The following SLC39A11 variants were observed in gnomAD, a reference collection of about 807,000 sequenced individuals.
SLC39A11 encodes solute carrier family 39 member 11, also known as zinc transporter ZIP11.
In SLC39A11, 33 loss-of-function variants were observed where a neutral mutation model predicts 36.1. The observed-to-expected ratio is 0.91, with a 90% CI of 0.69 to 1.22. SLC39A11 has a LOEUF of 1.22. SLC39A11 is among the 50% of genes most tolerant of loss of function. The probability of loss-of-function intolerance (pLI) is 0.00; values close to 1 mark genes in which losing one functional copy is unlikely to be tolerated. For synonymous variants in SLC39A11, 166 were observed against 170.3 expected, an observed-to-expected ratio of 0.97 and a Z score of 0.20; for missense variants, 432 against 430.3, an observed-to-expected ratio of 1.00 and a Z score of -0.03.
intron 5 of SLC39A11, among the ~76,000 whole-genome samples, chr17:72,863,681 T>C (rs759737127): frequency 2.6e-5 from 4 of 152,210 alleles, no homozygotes; most frequent in Non-Finnish European, 5.9e-5. Flanking sequence ...AGGTCCTGGC[T>C]CAGTAAGCCT....
At chr17:73,020,753 G>A (rs1257407550) in intron 4 of SLC39A11, among the ~76,000 whole-genome samples, 3 of 128,078 alleles carry the variant, frequency 2.3e-5, no homozygotes, top group Admixed American at 2.2e-4. Flanking sequence ...TGCAATCTTG[G>A]CTTACTGCAA....
intron 4 of SLC39A11, among the ~76,000 whole-genome samples, chr17:72,973,073 T>C (rs377333111): frequency 7.3e-5 from 11 of 151,076 alleles, no homozygotes; most frequent in African/African-American, 2.7e-4. Context: ...CCACCATAAA[T>C]ACCCCAAGCT....
chr17:72,748,430 T>G (rs940055801), intron 6 of SLC39A11, among the ~76,000 whole-genome samples: 1 of 152,164 alleles, frequency 6.6e-6, no homozygotes, highest in Non-Finnish European at 1.5e-5. Context: ...AATAACTACT[T>G]CCTAATTAAT....
rs2058744603 is a variant in SLC39A11, at chr17:73,031,717, A to G, written c.148-3T>C. The G allele has an allele frequency of 1.2e-6, 2 of 1,613,088 alleles. No homozygotes were observed. Among genetic ancestry groups the G allele is most frequent in the Non-Finnish European group, 1.7e-6 (2 of 1,179,822 alleles). On this transcript the variant is annotated splice_region_variant and splice_polypyrimidine_tract_variant and intron_variant, in intron 3 of 9. Transcript: ENST00000255559. The stretch of plus-strand genomic sequence containing the variant: ...CAATAGGAAGCTGCCAACATGACCT[A>G]CAAAAACCACAACGAGAGATAAACG...
chr17:73,003,384 G>A (rs951419493), intron 4 of SLC39A11, among the ~76,000 whole-genome samples: 5 of 152,314 alleles, frequency 3.3e-5, no homozygotes, highest in African/African-American at 1.2e-4. Context: ...CTGATTGGAT[G>A]TTGGGGGCAG....
intron 7 of SLC39A11, among the ~76,000 whole-genome samples, chr17:72,681,798 A>G (rs2071520403): frequency 6.6e-6 from 1 of 152,198 alleles, no homozygotes; most frequent in African/African-American, 2.4e-5. Flanking sequence ...AATGAATAGT[A>G]AATATATTTT....
At chr17:72,796,798 C>T (rs188919927) in intron 6 of SLC39A11, among the ~76,000 whole-genome samples, 32 of 152,244 alleles carry the variant, frequency 2.1e-4, no homozygotes, top group Admixed American at 6.5e-4. Flanking sequence ...CCCACCACCA[C>T]GCAGGGGTTT....
intron 5 of SLC39A11, among the ~76,000 whole-genome samples, chr17:72,938,848 C>G (rs2084923346): frequency 6.6e-6 from 1 of 152,170 alleles, no homozygotes; most frequent in African/African-American, 2.4e-5. Context: ...GCTAACCAAG[C>G]AAATGTTAAA....
chr17:72,907,653 CAACA>C (rs1488904802), intron 5 of SLC39A11, among the ~76,000 whole-genome samples: 14 of 152,194 alleles, frequency 9.2e-5, no homozygotes, highest in Admixed American at 1.3e-4. Flanking sequence ...TCCCCAGAAA[CAACA>C]AACAGAGTCA....
At chr17:72,876,502 C>A (rs941504017) in intron 5 of SLC39A11, among the ~76,000 whole-genome samples, 1 of 152,032 alleles carries the variant, frequency 6.6e-6, no homozygotes, top group Non-Finnish European at 1.5e-5. Flanking sequence ...AGAAATGGAC[C>A]CTCCCAGCCT....
At chr17:72,953,938 G>A (rs1412871008) in intron 4 of SLC39A11, among the ~76,000 whole-genome samples, 1 of 152,234 alleles carries the variant, frequency 6.6e-6, no homozygotes, top group Non-Finnish European at 1.5e-5. Context: ...CACGGATTCA[G>A]GACGGGGGAG....
At chr17:73,014,322 C>T (rs943060086) in intron 4 of SLC39A11, among the ~76,000 whole-genome samples, 15 of 152,088 alleles carry the variant, frequency 9.9e-5, no homozygotes, top group Admixed American at 6.6e-5. Context: ...TGCAATTAAC[C>T]CATCAGATCT....
At chr17:72,691,331 C>T (rs577740539) in intron 7 of SLC39A11, among the ~76,000 whole-genome samples, 2 of 152,242 alleles carry the variant, frequency 1.3e-5, no homozygotes, top group East Asian at 3.9e-4. Flanking sequence ...TGTTTCTTTC[C>T]GTGTCAAGTG....
chr17:73,039,438 C>T (rs1323030878), intron 3 of SLC39A11, among the ~76,000 whole-genome samples: 1 of 152,202 alleles, frequency 6.6e-6, no homozygotes, highest in East Asian at 1.9e-4. Context: ...TCAGAGTAGT[C>T]CTGGACAGAG....
chr17:72,782,560 A>C (rs1264345279), intron 6 of SLC39A11, among the ~76,000 whole-genome samples: 3 of 151,900 alleles, frequency 2.0e-5, no homozygotes, highest in African/African-American at 7.3e-5. Context: ...GTGGTGGCGT[A>C]CAGTTATAAT....
chr17:73,008,980 G>A (rs2090347099), intron 4 of SLC39A11, among the ~76,000 whole-genome samples: 1 of 149,712 alleles, frequency 6.7e-6, no homozygotes, highest in African/African-American at 2.5e-5. Flanking sequence ...TGGATCAGTT[G>A]AGCCTGGGGC....
intron 3 of SLC39A11, among the ~76,000 whole-genome samples, chr17:73,039,709 G>C (rs1380939591): frequency 6.6e-6 from 1 of 152,190 alleles, no homozygotes; most frequent in Non-Finnish European, 1.5e-5. Context: ...GTGTGGAAAA[G>C]GGCCAACGCA....
intron 4 of SLC39A11, among the ~76,000 whole-genome samples, chr17:72,996,476 C>G (rs1045178658): frequency 2.0e-5 from 3 of 152,298 alleles, no homozygotes; most frequent in Middle Eastern, 3.4e-3. Context: ...GCCATTTTCT[C>G]TCCAAAGGCT....
chr17:72,784,024 CAAAG>C (rs1044599254), intron 6 of SLC39A11, among the ~76,000 whole-genome samples: 4 of 151,974 alleles, frequency 2.6e-5, no homozygotes, highest in African/African-American at 9.7e-5. Context: ...GGGGTACAAG[CAAAG>C]AAAGTATGAA....
Sources: gnomAD v4.1 joint callset for allele counts (sites outside exome capture counted in the v4.1 genomes callset) on GRCh38, gnomAD v4.1.1 for gene constraint, MANE v1.5 for transcripts, NCBI Gene and HGNC (gene_info 2026-07-23, HGNC 2026-07-21) for gene names.